Variants in CIMIP1 observed in about 807,000 individuals in gnomAD.
The protein encoded by CIMIP1 is low in lung cancer 1.
chr20:58,155,512 C>A, the CIMIP1 span: 1 of 1,614,060 alleles, frequency 6.2e-7, no homozygotes, highest in African/African-American at 1.3e-5. Flanking sequence ...AGCCCAAAAT[C>A]GAGCTTCCTG....
the CIMIP1 span, among the ~76,000 whole-genome samples, chr20:58,151,693 G>A: frequency 1.8e-4 from 27 of 152,142 alleles, no homozygotes; most frequent in East Asian, 1.5e-3. Context: ...GATTGCATGC[G>A]TGAGTCACCG....
the CIMIP1 span, among the ~76,000 whole-genome samples, chr20:58,158,555 C>T: frequency 6.6e-6 from 1 of 151,946 alleles, no homozygotes; most frequent in Non-Finnish European, 1.5e-5. Context: ...GAGGCTGAGG[C>T]AGGAGAACGA....
the CIMIP1 span, chr20:58,151,137 A>AT: frequency 9.1e-7 from 1 of 1,096,716 alleles, no homozygotes; most frequent in Non-Finnish European, 1.3e-6. Context: ...ATCGACCACT[A>AT]AACTCGAGGG....
At chr20:58,159,584 G>A in the CIMIP1 span, among the ~76,000 whole-genome samples, 1 of 152,006 alleles carries the variant, frequency 6.6e-6, no homozygotes, top group East Asian at 1.9e-4. Flanking sequence ...GTTAGTGGTG[G>A]TGTTTTCATC....
At chr20:58,160,589 T>A in the CIMIP1 span, 19 of 1,504,632 alleles carry the variant, frequency 1.3e-5, no homozygotes, top group East Asian at 4.3e-4. Flanking sequence ...CACCCCTGCC[T>A]CACATGCCGA....
chr20:58,152,438 A>AG, the CIMIP1 span, among the ~76,000 whole-genome samples: 4 of 151,796 alleles, frequency 2.6e-5, no homozygotes, highest in East Asian at 1.9e-4. Context: ...AAAAAAAAAA[A>AG]AGATTATTTA....
chr20:58,160,756 T>G, the CIMIP1 span: 8 of 1,614,120 alleles, frequency 5.0e-6, no homozygotes, highest in Non-Finnish European at 6.8e-6. Context: ...AGCTCGACGA[T>G]GCGATCAGAA....
At chr20:58,159,827 A>G in the CIMIP1 span, among the ~76,000 whole-genome samples, 1 of 152,154 alleles carries the variant, frequency 6.6e-6, no homozygotes, top group Non-Finnish European at 1.5e-5. Flanking sequence ...GCCTTGCAGG[A>G]GACTAATTTT....
the CIMIP1 span, among the ~76,000 whole-genome samples, chr20:58,158,649 CAA>C: frequency 7.0e-6 from 1 of 142,844 alleles, no homozygotes; most frequent in Admixed American, 6.9e-5. Context: ...GACTCCGTCT[CAA>C]AAAAAAAAAA....
At chr20:58,158,716 G>A in the CIMIP1 span, among the ~76,000 whole-genome samples, 1 of 151,488 alleles carries the variant, frequency 6.6e-6, no homozygotes, top group African/African-American at 2.4e-5. Flanking sequence ...CCTCTCATTG[G>A]TGACCAAAGC....
the CIMIP1 span, chr20:58,161,068 T>C: frequency 2.9e-6 from 1 of 345,398 alleles, no homozygotes; most frequent in Non-Finnish European, 5.2e-6. Context: ...CTCATTTGTT[T>C]TTGATACCTT....
the CIMIP1 span, chr20:58,160,933 A>G: frequency 8.2e-7 from 1 of 1,214,380 alleles, no homozygotes; most frequent in Admixed American, 2.5e-5. Flanking sequence ...TCCCCTGCGT[A>G]CTTGCTCATG....
the CIMIP1 span, among the ~76,000 whole-genome samples, chr20:58,159,066 C>T: frequency 4.6e-5 from 7 of 152,110 alleles, no homozygotes; most frequent in African/African-American, 9.7e-5. Flanking sequence ...CAAACAGCTC[C>T]GCAAGGCATC....
chr20:58,152,018 T>C, the CIMIP1 span, among the ~76,000 whole-genome samples: 1 of 152,248 alleles, frequency 6.6e-6, no homozygotes, highest in Admixed American at 6.5e-5. Flanking sequence ...TCAGTTATCC[T>C]ATTTACCCTC....
At chr20:58,160,567 TTC>T in the CIMIP1 span, 1 of 1,380,450 alleles carries the variant, frequency 7.2e-7, no homozygotes, top group Non-Finnish European at 9.7e-7. Flanking sequence ...TGGCTTTTCT[TTC>T]TGTCTTTTCC....
the CIMIP1 span, chr20:58,151,087 A>G: frequency 3.4e-6 from 5 of 1,485,762 alleles, no homozygotes; most frequent in African/African-American, 1.4e-5. Flanking sequence ...TGAAGTGTCC[A>G]CATCTGGGGT....
At chr20:58,152,139 TA>T in the CIMIP1 span, among the ~76,000 whole-genome samples, 20 of 152,230 alleles carry the variant, frequency 1.3e-4, no homozygotes, top group Non-Finnish European at 1.5e-5. Context: ...CTCTCATAAA[TA>T]GAAAACCTTT....
chr20:58,151,776 G>T, the CIMIP1 span, among the ~76,000 whole-genome samples: 1 of 152,254 alleles, frequency 6.6e-6, no homozygotes, highest in East Asian at 1.9e-4. Flanking sequence ...TGAAGTACAT[G>T]AAAATCCCTT....
the CIMIP1 span, among the ~76,000 whole-genome samples, chr20:58,160,103 C>T: frequency 9.8e-5 from 15 of 152,296 alleles, no homozygotes; most frequent in South Asian, 2.9e-3. Flanking sequence ...CCTCATTTTC[C>T]AAAAATGTCA....
Sources: gnomAD v4.1 joint callset for allele counts (sites outside exome capture counted in the v4.1 genomes callset) on GRCh38, gnomAD v4.1.1 for gene constraint, MANE v1.5 for transcripts, NCBI Gene and HGNC (gene_info 2026-07-23, HGNC 2026-07-21) for gene names.